Variants in GLB1 observed in about 807,000 individuals in gnomAD.
GLB1 encodes the protein galactosidase beta 1.
A neutral mutation model predicts 74.0 loss-of-function variants in GLB1; 56 were observed. The observed-to-expected ratio is 0.76, with a 90% CI of 0.61 to 0.94. The LOEUF is 0.94. Among genes scored for constraint, GLB1 ranks in the 40% least tolerant of loss-of-function variants. The pLI is 0.00. For synonymous variants in GLB1, 323 were observed against 323.6 expected (o/e 1.00, Z 0.02); for missense variants, 787 against 845.5 (o/e 0.93, Z 0.86).
intron 15 of GLB1, among the ~76,000 whole-genome samples, chr3:33,002,300 G>A (rs1358274027): frequency 6.7e-6 from 1 of 149,806 alleles, no homozygotes; most frequent in Non-Finnish European, 1.5e-5. Context: ...AAACTATCTG[G>A]ATAAATGGAA....
intron 1 of GLB1, chr3:33,092,811 G>C (rs1700822338): frequency 1.3e-6 from 2 of 1,569,352 alleles, no homozygotes; most frequent in African/African-American, 1.3e-5. Flanking sequence ...GGGCAGGGCA[G>C]AGGTGCACAG....
At chr3:33,028,213 A>T (rs1012722308) in intron 10 of GLB1, among the ~76,000 whole-genome samples, 5 of 152,184 alleles carry the variant, frequency 3.3e-5, no homozygotes. Context: ...ACATTTTAAG[A>T]TTATTTAATT....
intron 10 of GLB1, among the ~76,000 whole-genome samples, chr3:33,043,630 A>G (rs1001136269): frequency 1.3e-5 from 2 of 152,274 alleles, no homozygotes; most frequent in Admixed American, 6.5e-5. Context: ...AAGAAGTACA[A>G]TGAATGAGAA....
At chr3:32,970,185 A>G in the GLB1 span, among the ~76,000 whole-genome samples, 2 of 152,210 alleles carry the variant, frequency 1.3e-5, no homozygotes, top group Non-Finnish European at 1.5e-5. Context: ...TAAAGTGGAA[A>G]TTACAGACAG....
At chr3:33,042,018 C>T (rs921098354) in intron 10 of GLB1, among the ~76,000 whole-genome samples, 1 of 150,568 alleles carries the variant, frequency 6.6e-6, no homozygotes, top group African/African-American at 2.4e-5. Flanking sequence ...TTAGAGTCAC[C>T]CGACTCTCCT....
In GLB1 at chr3:33,058,181, T is replaced by C; in HGVS notation, c.641A>G (p.Asp214Gly). The C allele has an allele frequency of 3.1e-6, 5 of 1,614,098 alleles. No individual in the cohort carries two copies. The highest frequency in any genetic ancestry group is 4.2e-6 in the Non-Finnish European group (5 of 1,180,004). Residue 214 changes from aspartate to glycine, a missense_variant, in exon 6 of 16, where the codon GAT (aspartate) becomes GGT (glycine). By Grantham distance (94) the Asp-to-Gly change is moderately conservative (BLOSUM62 -1). Coordinates refer to ENST00000307363, the MANE Select transcript of GLB1 (RefSeq NM_000404.4). ...TCCATCAGTGGTAAACAGAACCACA[T>C]CATCCCCCAGATGGTGGCGAAAGCG... ...QKRFRHHLGD[D>G]VVLFTTDGAH...
At chr3:33,043,420 C>G (rs1271229401) in intron 10 of GLB1, among the ~76,000 whole-genome samples, 1 of 151,818 alleles carries the variant, frequency 6.6e-6, no homozygotes, top group Non-Finnish European at 1.5e-5. Flanking sequence ...AGATGTCACA[C>G]TTAAATGGTA....
intron 15 of GLB1, among the ~76,000 whole-genome samples, chr3:33,012,323 T>C (rs1321152209): frequency 6.6e-6 from 1 of 152,152 alleles, no homozygotes; most frequent in Non-Finnish European, 1.5e-5. Context: ...AACTCATCTG[T>C]TAAAATTCTA....
chr3:33,033,869 T>C, intron 10 of GLB1: 1 of 506,464 alleles, frequency 2.0e-6, no homozygotes, highest in Non-Finnish European at 4.0e-6. Context: ...TATCATGGTG[T>C]CAGTAATTAA....
chr3:33,091,846 T>C lies in GLB1; in HGVS notation c.75+5165A>G, dbSNP rs149919617. On this transcript the variant is annotated intron_variant, in intron 1 of 15. Transcript: ENST00000307363. ...CCAGCCCTGTCTTCTCAGTGAGGCCTTTTCTAACACGGGTGCTTATCTCCA... is the reference window on the plus strand; with the variant it reads ...CCAGCCCTGTCTTCTCAGTGAGGCCCTTTCTAACACGGGTGCTTATCTCCA... 302 of 985,430 alleles carry C rather than the reference T, an allele frequency of 3.1e-4. 2 individuals are homozygous for C. The African/African-American group carries it at 5.0e-3, about 16-fold the overall frequency. The allele number at this position is 985,430 out of a possible 1,614,324, so 61.0% of individuals were successfully genotyped here. A position where few individuals can be genotyped will look rare whatever the true frequency, so the allele number is the denominator to read the frequency against.
intron 14 of GLB1, 62 bp downstream of exon 14, chr3:33,016,647 G>A: frequency 1.2e-6 from 2 of 1,606,862 alleles, no homozygotes; most frequent in East Asian, 2.2e-5. Context: ...CCACTGTACT[G>A]GGCTTCAACT....
chr3:33,019,195 G>C (rs368578373), intron 12 of GLB1, among the ~76,000 whole-genome samples: 1 of 152,190 alleles, frequency 6.6e-6, no homozygotes, highest in East Asian at 1.9e-4. Context: ...GTGGAGGAAC[G>C]GGGGAAAGAA....
chr3:33,034,586 T>C, intron 10 of GLB1: 1 of 718,232 alleles, frequency 1.4e-6, no homozygotes, highest in Non-Finnish European at 2.6e-6. Flanking sequence ...TGATGATGCC[T>C]TGGGAAATAT....
intron 12 of GLB1, among the ~76,000 whole-genome samples, chr3:33,019,241 T>C (rs1048353700): frequency 2.0e-5 from 3 of 152,058 alleles, no homozygotes; most frequent in African/African-American, 7.2e-5. Context: ...AACCACTAAG[T>C]CAGAAAATAT....
At chr3:32,970,304 T>C in the GLB1 span, among the ~76,000 whole-genome samples, 1 of 152,186 alleles carries the variant, frequency 6.6e-6, no homozygotes, top group Non-Finnish European at 1.5e-5. Flanking sequence ...GTCTTGCCCA[T>C]GGTCCTCCTC....
At chr3:32,986,784 TTTCACCATGTTGGTCAGGCTGG>T in the GLB1 span, among the ~76,000 whole-genome samples, 1 of 151,968 alleles carries the variant, frequency 6.6e-6, no homozygotes. Context: ...AGAGACAGGG[TTTCACCATGTTGGTCAGGCTGG>T]TCATGAATTC....
At chr3:32,985,260 G>A in the GLB1 span, among the ~76,000 whole-genome samples, 1 of 151,836 alleles carries the variant, frequency 6.6e-6, no homozygotes, top group African/African-American at 2.4e-5. Flanking sequence ...TTATGCATCT[G>A]CATGTTTAGA....
At chr3:33,091,482 G>T (rs1374020199) in intron 1 of GLB1, 1 of 985,504 alleles carries the variant, frequency 1.0e-6, no homozygotes, top group Non-Finnish European at 1.2e-6. Flanking sequence ...GCTGCTCCAT[G>T]AATCCTCTGG....
In GLB1 at chr3:33,097,066, C is replaced by T; in HGVS notation, c.20G>A (p.Arg7His). MPGFLVRILPLLLVLLL... is the reference protein window; with the variant it reads MPGFLVHILPLLLVLLL... ...CAGAACCAGCAACAGAGGGAGGATG[C>T]GAACCAGGAACCCCGGCATGACCAC... Residue 7 changes from arginine to histidine, a missense_variant, in exon 1 of 16, where the codon CGC (arginine) becomes CAC (histidine). Arg to His is a conservative substitution (Grantham distance 29). Coordinates refer to ENST00000307363, the MANE Select transcript of GLB1 (RefSeq NM_000404.4). 6.2e-7 allele frequency: 1 copy of T among 1,612,530 alleles called. No individual in the cohort carries two copies. The highest frequency in any genetic ancestry group is 8.5e-7 in the Non-Finnish European group (1 of 1,179,046).
Sources: gnomAD v4.1 joint callset for allele counts (sites outside exome capture counted in the v4.1 genomes callset) on GRCh38, gnomAD v4.1.1 for gene constraint, MANE v1.5 for transcripts, NCBI Gene and HGNC (gene_info 2026-07-23, HGNC 2026-07-21) for gene names.